DCDC2C: variants seen among roughly 807,000 people sequenced by gnomAD.
DCDC2C encodes doublecortin domain containing 2C.
In DCDC2C, 44 loss-of-function variants were observed where a neutral mutation model predicts 45.0. The observed-to-expected ratio is 0.98, with a 90% CI of 0.77 to 1.26. DCDC2C has a LOEUF of 1.26. DCDC2C is among the 50% of genes most tolerant of loss of function. The pLI, the probability that DCDC2C is intolerant of heterozygous loss-of-function variation, is 0.00. For missense variants in DCDC2C, 447 were observed against 468.9 expected, an observed-to-expected ratio of 0.95 and a Z score of 0.43; for synonymous variants, 187 against 178.8, an observed-to-expected ratio of 1.05 and a Z score of -0.37.
At chr2:3,821,722 C>G (rs1164369685) in intron 10 of DCDC2C, among the ~76,000 whole-genome samples, 1 of 152,222 alleles carries the variant, frequency 6.6e-6, no homozygotes, top group Admixed American at 6.5e-5. Context: ...ACTTGCATTC[C>G]TGGGGTAAAC....
chr2:3,806,771 A>C (rs941553966), intron 10 of DCDC2C, among the ~76,000 whole-genome samples: 2 of 151,004 alleles, frequency 1.3e-5, no homozygotes, highest in African/African-American at 4.9e-5. Flanking sequence ...CTAGTCTCCA[A>C]CTCCTGACCT....
In DCDC2C at chr2:3,778,866, T is replaced by C; in HGVS notation, c.1005T>C (p.Pro335=). Residue 335 remains proline (P), a synonymous_variant, in exon 9 of 11, where the codon CCT becomes CCC. Transcript: ENST00000399143. ...KEDEEIHENT[P]DFEGNKDKED... is the part of the protein sequence containing the mutation. Reference sequence around the variant, plus strand: ...ATGAAGAGATACATGAGAACACCCCTGATTTTGAGGGCAACAAGGTGAGTT... The same window carrying C: ...ATGAAGAGATACATGAGAACACCCCCGATTTTGAGGGCAACAAGGTGAGTT... The C allele has an allele frequency of 6.4e-7, 1 of 1,551,078 alleles. No individual in the cohort carries two copies. Among genetic ancestry groups the C allele is most frequent in the Non-Finnish European group, 8.7e-7 (1 of 1,147,088 alleles).
chr2:3,820,848 C>T (rs1671672100), intron 10 of DCDC2C, among the ~76,000 whole-genome samples: 1 of 152,106 alleles, frequency 6.6e-6, no homozygotes, highest in Non-Finnish European at 1.5e-5. Context: ...GCTGGTTGGT[C>T]TGAGGACCTG....
At chr2:3,777,174 T>C (rs1670365886) in intron 8 of DCDC2C, among the ~76,000 whole-genome samples, 1 of 152,240 alleles carries the variant, frequency 6.6e-6, no homozygotes, top group Admixed American at 6.5e-5. Context: ...TGTTTTCCCA[T>C]CTGTTTTTAT....
intron 2 of DCDC2C, among the ~76,000 whole-genome samples, chr2:3,717,579 C>T (rs565104204): frequency 6.6e-6 from 1 of 152,104 alleles, no homozygotes; most frequent in South Asian, 2.1e-4. Flanking sequence ...CCCATGCCTT[C>T]CGCTGGTCTC....
chr2:3,816,531 C>A (rs543557038), intron 10 of DCDC2C, among the ~76,000 whole-genome samples: 2 of 152,124 alleles, frequency 1.3e-5, no homozygotes, highest in East Asian at 1.9e-4. Context: ...GGATTAGAAA[C>A]GGCTAGGAGA....
intron 2 of DCDC2C, among the ~76,000 whole-genome samples, chr2:3,720,533 T>A (rs1572556997): frequency 6.6e-6 from 1 of 152,122 alleles, no homozygotes; most frequent in Admixed American, 6.5e-5. Flanking sequence ...AACAATGAAA[T>A]AACCATGTAC....
rs956364304 is a variant in DCDC2C at position 3,769,308 on chromosome 2, C to A, written c.854-3C>A. ...AAAGTTTGTCTGTGTGATTTTCTCC[C>A]AGAAGGTGACGTGTATAAAGCACCG... is the stretch of plus-strand genomic sequence containing the variant. On this transcript the variant is annotated splice_polypyrimidine_tract_variant and splice_region_variant and intron_variant, in intron 7 of 10. Transcript: ENST00000399143. The A allele has an allele frequency of 3.2e-6, 5 of 1,549,168 alleles. No homozygotes were observed. The highest frequency in any genetic ancestry group is 4.4e-6 in the Non-Finnish European group (5 of 1,145,846).
At chr2:3,807,880 G>A (rs1025621381) in intron 10 of DCDC2C, among the ~76,000 whole-genome samples, 4 of 152,144 alleles carry the variant, frequency 2.6e-5, no homozygotes, top group Non-Finnish European at 5.9e-5. Flanking sequence ...ACCCATCTGT[G>A]TGCACAACAG....
intron 2 of DCDC2C, among the ~76,000 whole-genome samples, chr2:3,725,314 C>A (rs1668611222): frequency 6.6e-6 from 1 of 152,010 alleles, no homozygotes; most frequent in East Asian, 1.9e-4. Flanking sequence ...CGAGCAGAGA[C>A]CCTCGTTGTG....
chr2:3,837,483 G>A (rs922032246), intron 10 of DCDC2C, among the ~76,000 whole-genome samples: 3 of 152,158 alleles, frequency 2.0e-5, no homozygotes, highest in Non-Finnish European at 4.4e-5. Context: ...GCACACACTG[G>A]GGCAGTGGCT....
intron 2 of DCDC2C, among the ~76,000 whole-genome samples, chr2:3,721,955 C>T (rs935741721): frequency 1.3e-5 from 2 of 152,190 alleles, no homozygotes; most frequent in African/African-American, 4.8e-5. Context: ...TTGTAAATTG[C>T]CCAGTCTCTG....
intron 2 of DCDC2C, among the ~76,000 whole-genome samples, chr2:3,721,622 T>C (rs1307803589): frequency 6.6e-6 from 1 of 152,170 alleles, no homozygotes; most frequent in African/African-American, 2.4e-5. Context: ...ACCCAAATCT[T>C]ATCTTGTAAC....
intron 10 of DCDC2C, among the ~76,000 whole-genome samples, chr2:3,821,031 G>A (rs894793281): frequency 2.0e-5 from 3 of 152,108 alleles, no homozygotes; most frequent in Admixed American, 6.5e-5. Flanking sequence ...GGTTGCAGGC[G>A]GGCTGAGTCC....
chr2:3,807,800 T>G (rs1270782074), intron 10 of DCDC2C, among the ~76,000 whole-genome samples: 2 of 152,160 alleles, frequency 1.3e-5, no homozygotes, highest in African/African-American at 4.8e-5. Context: ...TTTACCCTTT[T>G]CAGAGTGTCA....
At chr2:3,837,047 A>G (rs1672098081) in intron 10 of DCDC2C, among the ~76,000 whole-genome samples, 1 of 152,146 alleles carries the variant, frequency 6.6e-6, no homozygotes, top group South Asian at 2.1e-4. Flanking sequence ...GGAAAAAGGA[A>G]TTGTTTGGTT....
At chr2:3,730,334 C>T (rs982355674) in intron 3 of DCDC2C, among the ~76,000 whole-genome samples, 1 of 152,080 alleles carries the variant, frequency 6.6e-6, no homozygotes, top group Admixed American at 6.5e-5. Context: ...CCTAAACCAT[C>T]CAGTAAGTGG....
rs569032910 is a variant in DCDC2C at position 3,800,235 on chromosome 2, G to A, written c.1065+15135G>A. 1.5e-4 allele frequency among the ~76,000 whole-genome samples: 23 copies of A among 152,194 alleles called. No homozygotes were observed. The East Asian group carries it at 1.9e-3, about 13-fold the overall frequency. ...CCTCGCCCTGCTTCAGCTCGCACAC[G>A]GTGCGCGCACCCACTGACCTGCGCC... is the stretch of plus-strand genomic sequence containing the variant. On this transcript the variant is annotated intron_variant, in intron 10 of 10. Coordinates refer to ENST00000399143, the MANE Select transcript of DCDC2C (RefSeq NM_001287444.2).
intron 2 of DCDC2C, among the ~76,000 whole-genome samples, chr2:3,717,187 TC>T (rs980986337): frequency 4.1e-4 from 63 of 152,164 alleles, no homozygotes; most frequent in African/African-American, 1.5e-3. Flanking sequence ...CTCCATTCTC[TC>T]CATTATTTCC....
Sources: allele counts gnomAD v4.1 joint callset (sites outside exome capture counted in the v4.1 genomes callset), GRCh38; gene constraint gnomAD v4.1.1; transcripts MANE v1.5; gene names NCBI Gene and HGNC (gene_info 2026-07-23, HGNC 2026-07-21).